TAF4: variants seen among roughly 807,000 people sequenced by gnomAD.
TAF4 encodes transcription initiation factor TFIID subunit 4.
A neutral mutation model predicts 90.3 loss-of-function variants in TAF4; 9 were observed. The observed-to-expected ratio is 0.10, with a 90% CI of 0.06 to 0.17. The LOEUF is 0.17. Among genes scored for constraint, TAF4 ranks in the 10% least tolerant of loss-of-function variants. The probability of loss-of-function intolerance (pLI) is 1.00; values close to 1 mark genes in which losing one functional copy is unlikely to be tolerated. For missense variants in TAF4, 1,351 were observed against 1,370.7 expected (o/e 0.99, Z 0.23); for synonymous variants, 818 against 638.9 (o/e 1.28, Z -4.23).
At chr20:62,009,692 C>T (rs11697597) in intron 4 of TAF4, among the ~76,000 whole-genome samples, 91,118 of 151,910 alleles carry the variant, frequency 0.6, 27,785 homozygotes, top group Middle Eastern at 0.76. Flanking sequence ...ACCAGTGACT[C>T]TTCTGTTTTA....
Position 62,065,848 on chromosome 20 carries a change from C to T in TAF4, c.-38G>A, listed in dbSNP as rs1056258822. On this transcript the variant is annotated 5_prime_UTR_variant, in exon 1 of 15. Transcript: ENST00000252996. ...GCCGCCGCCGCCGCCGCCGCTCGGGCCGAGCGCGCCTGGGCGAGGAGGAGG... is the reference window on the plus strand; with the variant it reads ...GCCGCCGCCGCCGCCGCCGCTCGGGTCGAGCGCGCCTGGGCGAGGAGGAGG... 3.3e-6 allele frequency: 4 copies of T among 1,229,978 alleles called. No individual in the cohort carries two copies. Among genetic ancestry groups the T allele is most frequent in the Middle Eastern group, 2.3e-4 (1 of 4,428 alleles). The allele number at this position is 1,229,978 out of a possible 1,614,324, so 76.2% of individuals were successfully genotyped here.
Position 61,976,001 on chromosome 20 carries a change from T to C in TAF4, c.*167A>G. 1 of 701,020 alleles carries C rather than the reference T, an allele frequency of 1.4e-6. No homozygotes were observed. Among genetic ancestry groups the C allele is most frequent in the African/African-American group, 1.8e-5 (1 of 55,754 alleles). 43.4% of individuals were successfully genotyped at this position (701,020 alleles called of 1,614,324 possible). On this transcript the variant is annotated 3_prime_UTR_variant, in exon 15 of 15. Transcript: ENST00000252996. The stretch of plus-strand genomic sequence containing the variant: ...TATCCACAGGCCTTTGTGTTCTCTC[T>C]GTTACAGAAACGTGTTTTCTTTCAC...
At chr20:62,053,578 C>T (rs529271583) in intron 1 of TAF4, among the ~76,000 whole-genome samples, 1 of 152,216 alleles carries the variant, frequency 6.6e-6, no homozygotes, top group African/African-American at 2.4e-5. Context: ...CGCCCGTCCA[C>T]GCCGACCTGC....
At chr20:61,999,167 G>A in intron 11 of TAF4, 59 bp from the exon 12 acceptor site, 2 of 1,592,448 alleles carry the variant, frequency 1.3e-6, no homozygotes, top group Non-Finnish European at 8.5e-7. Context: ...AAGCAAAGGG[G>A]TTGTCTAGCA....
chr20:62,065,641 G>A lies in TAF4; in HGVS notation c.170C>T (p.Ala57Val), dbSNP rs1177128179. 2.4e-5 allele frequency: 25 copies of A among 1,054,540 alleles called. No individual in the cohort carries two copies. In the African/African-American group the frequency reaches 4.3e-4, roughly 18 times the overall value. 65.3% of individuals were successfully genotyped at this position (1,054,540 alleles called of 1,614,324 possible). A position where few individuals can be genotyped will look rare whatever the true frequency, so the allele number is the denominator to read the frequency against. Residue 57 changes from alanine to valine, a missense_variant, in exon 1 of 15, where the codon GCG (alanine) becomes GTG (valine). By Grantham distance (64) the Ala-to-Val change is moderately conservative (BLOSUM62 0). Coordinates refer to ENST00000252996, the MANE Select transcript of TAF4 (RefSeq NM_003185.4). ...TPEVRAAAAG[A>V]LGNHVVSGSP... Reference sequence around the variant, plus strand: ...GCCGCTCACAACATGGTTCCCGAGCGCGCCGGCGGCCGCGGCCCGCACCTC... The same window carrying A: ...GCCGCTCACAACATGGTTCCCGAGCACGCCGGCGGCCGCGGCCCGCACCTC...
intron 1 of TAF4, among the ~76,000 whole-genome samples, chr20:62,056,381 G>A (rs1240079840): frequency 6.6e-6 from 1 of 152,204 alleles, no homozygotes; most frequent in East Asian, 1.9e-4. Flanking sequence ...CTTTAGAATG[G>A]TATCCATTCC....
rs28382030 is a variant in TAF4, at chr20:62,031,595, C to T, written c.1361-16888G>A. Among the ~76,000 whole-genome samples, 1,320 of 152,286 alleles carry T rather than the reference C, an allele frequency of 8.7e-3. 21 individuals are homozygous for T. The highest frequency in any genetic ancestry group is 0.03 in the African/African-American group (1,246 of 41,554). ...TCCAACTCTGTGCCCACCTCCCAGC[C>T]TCCCCCTACCCTACTCCACTAGCAG... On this transcript the variant is annotated intron_variant, in intron 1 of 14. Coordinates refer to ENST00000252996, the MANE Select transcript of TAF4 (RefSeq NM_003185.4).
At chr20:61,976,567 G>A (rs1600820669) in intron 14 of TAF4, among the ~76,000 whole-genome samples, 1 of 152,246 alleles carries the variant, frequency 6.6e-6, no homozygotes, top group East Asian at 1.9e-4. Context: ...CTCAGATGCT[G>A]CCCAATGCCC....
chr20:62,014,036 GT>G (rs2055797964), intron 2 of TAF4, among the ~76,000 whole-genome samples: 1 of 140,224 alleles, frequency 7.1e-6, no homozygotes, highest in Admixed American at 6.9e-5. Flanking sequence ...GTGTGTGTGT[GT>G]GTGTGTGTAT....
intron 1 of TAF4, among the ~76,000 whole-genome samples, chr20:62,055,068 T>C (rs1328927515): frequency 6.6e-6 from 1 of 152,202 alleles, no homozygotes; most frequent in African/African-American, 2.4e-5. Context: ...CATACAACTT[T>C]AAATTATGCC....
intron 4 of TAF4, 64 bp from the exon 5 acceptor site, chr20:62,009,238 G>C: frequency 6.7e-7 from 1 of 1,489,556 alleles, no homozygotes; most frequent in Non-Finnish European, 9.1e-7. Flanking sequence ...CACAGCCTTT[G>C]GTTACTAAAA....
chr20:62,029,735 G>A (rs376030618), intron 1 of TAF4, among the ~76,000 whole-genome samples: 75 of 152,180 alleles, frequency 4.9e-4, no homozygotes, highest in African/African-American at 7.9e-4. Flanking sequence ...ACGAAACCCC[G>A]CCTCTACTAA....
intron 11 of TAF4, among the ~76,000 whole-genome samples, chr20:61,999,311 T>C (rs150629075): frequency 9.2e-5 from 14 of 152,274 alleles, no homozygotes; most frequent in Non-Finnish European, 2.1e-4. Context: ...AAGTCTCGTG[T>C]TGGCTGTCTC....
intron 1 of TAF4, among the ~76,000 whole-genome samples, chr20:62,026,122 C>T (rs530859726): frequency 1.3e-5 from 2 of 152,270 alleles, no homozygotes; most frequent in South Asian, 2.1e-4. Flanking sequence ...ACGTCCTTCC[C>T]GAGTGAAAAT....
chr20:62,027,032 A>T (rs866916716), intron 1 of TAF4, among the ~76,000 whole-genome samples: 22 of 152,248 alleles, frequency 1.4e-4, no homozygotes, highest in South Asian at 4.1e-4. Flanking sequence ...TGTGTACAAA[A>T]GAGCTACGTG....
intron 1 of TAF4, among the ~76,000 whole-genome samples, chr20:62,047,420 C>T (rs1363669495): frequency 1.3e-5 from 2 of 152,190 alleles, no homozygotes; most frequent in African/African-American, 2.4e-5. Flanking sequence ...GCATGGACTT[C>T]TCTTAAAGCT....
In TAF4 at chr20:61,976,051, G is replaced by T. The variant is rs1403123869; in HGVS notation, c.*117C>A. 1 of 1,107,650 alleles carries T rather than the reference G, an allele frequency of 9.0e-7. No homozygotes were observed. The highest frequency in any genetic ancestry group is 1.3e-6 in the Non-Finnish European group (1 of 761,462). The allele number at this position is 1,107,650 out of a possible 1,614,324, so 68.6% of individuals were successfully genotyped here. A position where few individuals can be genotyped will look rare whatever the true frequency, so the allele number is the denominator to read the frequency against. On this transcript the variant is annotated 3_prime_UTR_variant, in exon 15 of 15. Transcript: ENST00000252996. ...CACTGAAGAGCTGATTTAGAAACAG[G>T]AATATAAAACTGTTCCATTGTAAAG... is the stretch of plus-strand genomic sequence containing the variant.
rs1258779084 is a variant in TAF4 at position 62,063,135 on chromosome 20, T to C, written c.1360+1316A>G. ...CGTCTCAGCAACCCCGGGAAGTAGC[T>C]TCACAGCTCTCTTCCTCCCTGGAGC... On this transcript the variant is annotated intron_variant, in intron 1 of 14. Transcript: ENST00000252996. Among the ~76,000 whole-genome samples the C allele has an allele frequency of 2.0e-5, 3 of 152,142 alleles. No individual in the cohort carries two copies. The East Asian group carries it at 5.8e-4, about 29-fold the overall frequency.
intron 12 of TAF4, among the ~76,000 whole-genome samples, chr20:61,998,563 C>T (rs1176017399): frequency 6.6e-6 from 1 of 152,236 alleles, no homozygotes; most frequent in Non-Finnish European, 1.5e-5. Flanking sequence ...AAAGCAAGTG[C>T]TCCTCCCACT....
Sources: gnomAD v4.1 joint callset for allele counts (sites outside exome capture counted in the v4.1 genomes callset) on GRCh38, gnomAD v4.1.1 for gene constraint, MANE v1.5 for transcripts, NCBI Gene and HGNC (gene_info 2026-07-23, HGNC 2026-07-21) for gene names.